The following ARPP21 variants were observed in gnomAD, a reference collection of about 807,000 sequenced individuals.
The protein encoded by ARPP21 is cAMP-regulated phosphoprotein 21.
In ARPP21, 69 loss-of-function variants were observed where a neutral mutation model predicts 113.2. The ratio of observed to expected loss-of-function variants is 0.61; its 90% confidence interval spans 0.50 to 0.74. The LOEUF is 0.74. Ranked by LOEUF, ARPP21 falls within the 30% of genes least tolerant of loss-of-function variation. The probability of loss-of-function intolerance (pLI) is 0.00; values close to 1 mark genes in which losing one functional copy is unlikely to be tolerated. For missense variants in ARPP21, 1,070 were observed against 1,037.4 expected, an observed-to-expected ratio of 1.03 and a Z score of -0.43; for synonymous variants, 368 against 375.5, an observed-to-expected ratio of 0.98 and a Z score of 0.23.
chr3:35,659,225 C>T (rs1381396374), intron 1 of ARPP21, among the ~76,000 whole-genome samples: 3 of 152,178 alleles, frequency 2.0e-5, no homozygotes, highest in African/African-American at 7.2e-5. Context: ...TCCCAGCACA[C>T]ATACATACAT....
At chr3:35,685,127 A>G in intron 5 of ARPP21, 2 of 985,508 alleles carry the variant, frequency 2.0e-6, no homozygotes, top group Non-Finnish European at 1.2e-6. Flanking sequence ...AATGCCAGGC[A>G]GAGAAGGACA....
chr3:35,782,339 T>C (rs985420500), intron 19 of ARPP21, among the ~76,000 whole-genome samples: 56 of 152,290 alleles, frequency 3.7e-4, no homozygotes, highest in African/African-American at 1.3e-3. Context: ...CCTGGGTTAT[T>C]GCAATTCCAT....
chr3:35,750,158 AT>A (rs2095351889), intron 19 of ARPP21, among the ~76,000 whole-genome samples: 1 of 132,712 alleles, frequency 7.5e-6, no homozygotes, highest in African/African-American at 2.8e-5. Flanking sequence ...AAGAAGTTAG[AT>A]TTTTAATTTG....
intron 19 of ARPP21, among the ~76,000 whole-genome samples, chr3:35,765,410 G>A (rs2095932694): frequency 6.6e-6 from 1 of 152,104 alleles, no homozygotes; most frequent in South Asian, 2.1e-4. Context: ...GGGGTAGAAG[G>A]GAAATGCTGT....
At chr3:35,701,806 G>A (rs550389439) in intron 9 of ARPP21, among the ~76,000 whole-genome samples, 1 of 150,928 alleles carries the variant, frequency 6.6e-6, no homozygotes, top group African/African-American at 2.4e-5. Flanking sequence ...TTAGAAGCAG[G>A]GATCATAATT....
chr3:35,751,277 T>C (rs1422412480), intron 19 of ARPP21, among the ~76,000 whole-genome samples: 2 of 152,176 alleles, frequency 1.3e-5, no homozygotes, highest in Non-Finnish European at 2.9e-5. Flanking sequence ...CTCCCAACTA[T>C]CTGCTGAATG....
chr3:35,766,357 G>A (rs561317852), intron 19 of ARPP21, among the ~76,000 whole-genome samples: 1 of 152,092 alleles, frequency 6.6e-6, no homozygotes, highest in Admixed American at 6.6e-5. Flanking sequence ...TCTCTTTATT[G>A]ATGTAAACAA....
intron 18 of ARPP21, among the ~76,000 whole-genome samples, chr3:35,741,426 T>C (rs2094650135): frequency 6.6e-6 from 1 of 152,174 alleles, no homozygotes; most frequent in Admixed American, 6.5e-5. Flanking sequence ...TACCCAACTA[T>C]GGAACAATGG....
At chr3:35,690,428 A>G (rs778617255) in intron 8 of ARPP21, among the ~76,000 whole-genome samples, 1 of 151,452 alleles carries the variant, frequency 6.6e-6, no homozygotes, top group Non-Finnish European at 1.5e-5. Context: ...CATTTTTATT[A>G]TAGTTTTTTA....
intron 18 of ARPP21, among the ~76,000 whole-genome samples, chr3:35,740,193 G>A (rs2094573202): frequency 6.6e-6 from 1 of 152,138 alleles, no homozygotes; most frequent in African/African-American, 2.4e-5. Context: ...GATTTTTACT[G>A]TCTTCTCAAA....
At chr3:35,661,135 A>T (rs1026344892) in intron 1 of ARPP21, among the ~76,000 whole-genome samples, 1 of 152,190 alleles carries the variant, frequency 6.6e-6, no homozygotes, top group East Asian at 1.9e-4. Context: ...GATCACATAC[A>T]CATGGATTAC....
chr3:35,648,736 A>G (rs1701228482), intron 1 of ARPP21, among the ~76,000 whole-genome samples: 1 of 152,190 alleles, frequency 6.6e-6, no homozygotes, highest in African/African-American at 2.4e-5. Context: ...ATAGTATTCA[A>G]CACAGGAGAA....
At chr3:35,688,721 A>T (rs1391810337) in intron 6 of ARPP21, among the ~76,000 whole-genome samples, 1 of 151,628 alleles carries the variant, frequency 6.6e-6, no homozygotes, top group East Asian at 1.9e-4. Context: ...AGGAATATCT[A>T]AAATCCAAGG....
chr3:35,743,023 T>C (rs2094770564), intron 18 of ARPP21, among the ~76,000 whole-genome samples: 1 of 152,224 alleles, frequency 6.6e-6, no homozygotes, highest in South Asian at 2.1e-4. Context: ...CATAAGAAAG[T>C]TAAGAAGGTA....
At chr3:35,640,848 T>C (rs539016271) in intron 1 of ARPP21, 35 of 152,368 alleles carry the variant, frequency 2.3e-4, no homozygotes, top group African/African-American at 8.4e-4. Context: ...AAATCTGTGC[T>C]TCATTGCAAT....
chr3:35,681,555 T>A (rs941801658), intron 2 of ARPP21, 159 bp from the exon 3 acceptor site: 1 of 541,904 alleles, frequency 1.8e-6, no homozygotes, highest in Non-Finnish European at 3.3e-6. Flanking sequence ...CTCTTGTGCA[T>A]GCCTTGGGTA....
chr3:35,697,984 G>C (rs2084710852), intron 9 of ARPP21, among the ~76,000 whole-genome samples: 1 of 151,480 alleles, frequency 6.6e-6, no homozygotes, highest in African/African-American at 2.4e-5. Flanking sequence ...ATGAGTGGTT[G>C]GTTGGCATCC....
chr3:35,654,976 T>A (rs1203363476), intron 1 of ARPP21, among the ~76,000 whole-genome samples: 1 of 151,948 alleles, frequency 6.6e-6, no homozygotes, highest in Non-Finnish European at 1.5e-5. Flanking sequence ...GTTTTCCCAT[T>A]TACCTAACTT....
intron 15 of ARPP21, among the ~76,000 whole-genome samples, chr3:35,730,367 G>A (rs2093873338): frequency 6.6e-6 from 1 of 152,202 alleles, no homozygotes; most frequent in Non-Finnish European, 1.5e-5. Flanking sequence ...GCAATATCTG[G>A]AGACATTTTG....
Sources: gnomAD v4.1 joint callset for allele counts (sites outside exome capture counted in the v4.1 genomes callset) on GRCh38, gnomAD v4.1.1 for gene constraint, MANE v1.5 for transcripts, NCBI Gene and HGNC (gene_info 2026-07-23, HGNC 2026-07-21) for gene names.